Variants in FOLH1 observed in about 807,000 individuals in gnomAD.
The protein encoded by FOLH1 is folate hydrolase 1.
A neutral mutation model predicts 93.9 loss-of-function variants in FOLH1; 54 were observed. The observed-to-expected ratio is 0.57, with a 90% CI of 0.46 to 0.72. The LOEUF is 0.72. Among genes scored for constraint, FOLH1 ranks in the 30% least tolerant of loss-of-function variants. FOLH1 has a pLI of 0.00. For missense variants in FOLH1, 571 were observed against 892.5 expected, an observed-to-expected ratio of 0.64 and a Z score of 4.59; for synonymous variants, 249 against 303.6, an observed-to-expected ratio of 0.82 and a Z score of 1.87.
At chr11:49,184,978 T>G (rs1014146303) in intron 6 of FOLH1, among the ~76,000 whole-genome samples, 2 of 152,306 alleles carry the variant, frequency 1.3e-5, no homozygotes, top group Admixed American at 6.5e-5. Flanking sequence ...CTAGTCTCAC[T>G]TTCCTCCCTG....
chr11:49,192,360 A>G (rs1252353401), intron 4 of FOLH1, among the ~76,000 whole-genome samples: 2 of 152,358 alleles, frequency 1.3e-5, no homozygotes, highest in Middle Eastern at 3.4e-3. Flanking sequence ...AAAGGAAAAC[A>G]CAGAGTGAAC....
intron 9 of FOLH1, among the ~76,000 whole-genome samples, chr11:49,174,378 T>C (rs1181392542): frequency 1.3e-5 from 2 of 152,170 alleles, no homozygotes; most frequent in African/African-American, 2.4e-5. Context: ...ATGTATAAAA[T>C]GTATTAATCA....
At position 49,208,527 on chromosome 11, in the gene FOLH1, T is replaced by C; in HGVS notation, c.-118A>G. ...CTCAATCTCACTAATGCCTCGCTTA[T>C]CAGCCCTGCAGGCTGGAATTCGCTC... is the stretch of plus-strand genomic sequence containing the variant. On this transcript the variant is annotated 5_prime_UTR_variant, in exon 1 of 19. Coordinates refer to ENST00000256999, the MANE Select transcript of FOLH1 (RefSeq NM_004476.3). The C allele has an allele frequency of 1.5e-6, 1 of 674,724 alleles. No homozygotes were observed. The highest frequency in any genetic ancestry group is 2.5e-6 in the Non-Finnish European group (1 of 401,668). 41.8% of individuals were successfully genotyped at this position (674,724 alleles called of 1,614,324 possible).
chr11:49,208,222 A>AC lies in FOLH1; in HGVS notation c.118+69dup, dbSNP rs984549788. 43 of 1,150,844 alleles carry AC rather than the reference A, an allele frequency of 3.7e-5. No individual in the cohort carries two copies. In the African/African-American group the frequency reaches 5.8e-4, roughly 15 times the overall value. The allele number at this position is 1,150,844 out of a possible 1,614,324, so 71.3% of individuals were successfully genotyped here. A position where few individuals can be genotyped will look rare whatever the true frequency, so the allele number is the denominator to read the frequency against. The stretch of plus-strand genomic sequence containing the variant: ...GCAACAGGATCCCACTCGGCAGCTG[A>AC]CCCGCGAGTCCCAGCACCGCGGCAC... On this transcript the variant is annotated intron_variant, in intron 1 of 18. Transcript: ENST00000256999.
In FOLH1 at chr11:49,157,938, A is replaced by G. The variant is rs376950706; in HGVS notation, c.1532+14T>C. On this transcript the variant is annotated intron_variant, in intron 14 of 18. Coordinates refer to ENST00000256999, the MANE Select transcript of FOLH1 (RefSeq NM_004476.3). ...CCACACTGAATTCAGTGGAAACTTC[A>G]TTCATTTGTTTACCTGGGCATGCCA... 18 of 1,567,364 alleles carry G rather than the reference A, an allele frequency of 1.1e-5. No homozygotes were observed. The highest frequency in any genetic ancestry group is 1.5e-5 in the Non-Finnish European group (17 of 1,155,428).
At chr11:49,177,994 T>C (rs1407753492) in intron 7 of FOLH1, among the ~76,000 whole-genome samples, 2 of 150,332 alleles carry the variant, frequency 1.3e-5, no homozygotes, top group Admixed American at 6.6e-5. Flanking sequence ...AAAAAAAGGC[T>C]ACCTGGGGGC....
intron 3 of FOLH1, among the ~76,000 whole-genome samples, chr11:49,193,641 G>GT (rs1227505558): frequency 6.6e-6 from 1 of 151,958 alleles, no homozygotes; most frequent in South Asian, 2.1e-4. Context: ...CCAAATATAT[G>GT]TTTTTTTAAG....
intron 1 of FOLH1, 89 bp downstream of exon 1, chr11:49,208,203 G>C (rs1206888711): frequency 3.1e-6 from 3 of 966,218 alleles, no homozygotes; most frequent in Non-Finnish European, 3.1e-6. Flanking sequence ...ACCAGCAACA[G>C]GATCCCACTC....
intron 7 of FOLH1, among the ~76,000 whole-genome samples, chr11:49,176,385 T>A (rs1860044344): frequency 6.6e-6 from 1 of 152,180 alleles, no homozygotes; most frequent in Non-Finnish European, 1.5e-5. Flanking sequence ...ACACACCTAC[T>A]AAGAAGACAG....
chr11:49,158,649 T>A (rs575961477), intron 13 of FOLH1, among the ~76,000 whole-genome samples: 2 of 152,160 alleles, frequency 1.3e-5, no homozygotes, highest in Non-Finnish European at 2.9e-5. Flanking sequence ...TTAAAACAGA[T>A]TTTTCAAATT....
At chr11:49,165,624 G>A (rs1459979652) in intron 12 of FOLH1, among the ~76,000 whole-genome samples, 1 of 152,124 alleles carries the variant, frequency 6.6e-6, no homozygotes, top group Non-Finnish European at 1.5e-5. Flanking sequence ...CACAGTTGGG[G>A]GGAAAAATGG....
chr11:49,145,697 C>A lies in FOLH1; in HGVS notation c.*1059G>T, dbSNP rs1385338002. On this transcript the variant is annotated 3_prime_UTR_variant, in exon 19 of 19. Transcript: ENST00000256999. ...ATTCACCATGGAGACAAGAGCAATT[C>A]CTTACATCTGCTCATCACATATTCT... Among the ~76,000 whole-genome samples the A allele has an allele frequency of 6.6e-6, 1 of 152,156 alleles. No individual in the cohort carries two copies. Among genetic ancestry groups the A allele is most frequent in the African/African-American group, 2.4e-5 (1 of 41,456 alleles).
rs1201084133 is a variant in FOLH1 at position 49,193,627 on chromosome 11, T to C, written c.412-733A>G. 2.0e-5 allele frequency among the ~76,000 whole-genome samples: 3 copies of C among 152,168 alleles called. No homozygotes were observed. In the East Asian group the frequency reaches 5.8e-4, roughly 29 times the overall value. On this transcript the variant is annotated intron_variant, in intron 3 of 18. Coordinates refer to ENST00000256999, the MANE Select transcript of FOLH1 (RefSeq NM_004476.3). ...ATGCACTGAAAAGAATGAAAAACAC[T>C]GAACCAAATATATGTTTTTTTAAGT... is the stretch of plus-strand genomic sequence containing the variant.
At chr11:49,190,466 T>C (rs1176357416) in intron 4 of FOLH1, among the ~76,000 whole-genome samples, 2 of 152,316 alleles carry the variant, frequency 1.3e-5, no homozygotes, top group South Asian at 2.1e-4. Flanking sequence ...TAGCCCGGAA[T>C]TTTCTTTGTT....
intron 7 of FOLH1, among the ~76,000 whole-genome samples, chr11:49,180,187 ATTG>A (rs1256087000): frequency 6.6e-6 from 1 of 152,198 alleles, no homozygotes; most frequent in African/African-American, 2.4e-5. Context: ...ACTAACTCAT[ATTG>A]TTGTTTTATA....
chr11:49,148,558 A>G, intron 18 of FOLH1, 81 bp downstream of exon 18: 1 of 1,088,540 alleles, frequency 9.2e-7, no homozygotes, highest in South Asian at 1.5e-5. Context: ...CAACTACAAT[A>G]TTTTTTCCAC....
chr11:49,173,313 G>A, intron 10 of FOLH1, 44 bp downstream of exon 10: 1 of 1,582,806 alleles, frequency 6.3e-7, no homozygotes, highest in African/African-American at 1.3e-5. Context: ...ACTAAACTGA[G>A]ACTCAGATAG....
chr11:49,147,924 C>T (rs1330359163), intron 18 of FOLH1, among the ~76,000 whole-genome samples: 1 of 150,760 alleles, frequency 6.6e-6, no homozygotes, highest in Non-Finnish European at 1.5e-5. Context: ...GGGACCCTGT[C>T]TCTTAGGAAA....
chr11:49,198,601 C>A (rs1862923337), intron 3 of FOLH1, among the ~76,000 whole-genome samples: 1 of 152,052 alleles, frequency 6.6e-6, no homozygotes, highest in Non-Finnish European at 1.5e-5. Context: ...TACATTTTAA[C>A]ATTGTCAATA....
Sources: allele counts gnomAD v4.1 joint callset (sites outside exome capture counted in the v4.1 genomes callset), GRCh38; gene constraint gnomAD v4.1.1; transcripts MANE v1.5; gene names NCBI Gene and HGNC (gene_info 2026-07-23, HGNC 2026-07-21).